SLC24A2: variants seen among roughly 807,000 people sequenced by gnomAD.
SLC24A2 encodes solute carrier family 24 member 2, also known as sodium/potassium/calcium exchanger 2.
SLC24A2 carries 36 observed loss-of-function variants against 62.0 expected under a neutral mutation model. The ratio of observed to expected loss-of-function variants is 0.58; its 90% confidence interval spans 0.44 to 0.77. SLC24A2 has a LOEUF of 0.77. Among genes scored for constraint, SLC24A2 ranks in the 30% least tolerant of loss-of-function variants. SLC24A2 has a pLI of 0.00. For missense variants in SLC24A2, 846 were observed against 817.9 expected (o/e 1.03, Z -0.42); for synonymous variants, 358 against 294.0 (o/e 1.22, Z -2.23).
chr9:20,090,476 G>C, the SLC24A2 span, among the ~76,000 whole-genome samples: 1 of 152,098 alleles, frequency 6.6e-6, no homozygotes, highest in African/African-American at 2.4e-5. Flanking sequence ...AATTGGTGAA[G>C]AAATATAGGG....
intron 7 of SLC24A2, among the ~76,000 whole-genome samples, chr9:19,571,617 A>G (rs1194445298): frequency 6.6e-6 from 1 of 152,216 alleles, no homozygotes; most frequent in Non-Finnish European, 1.5e-5. Flanking sequence ...GCCTCATGGC[A>G]GACCTGACAA....
At chr9:20,007,226 G>A in the SLC24A2 span, among the ~76,000 whole-genome samples, 1 of 152,176 alleles carries the variant, frequency 6.6e-6, no homozygotes, top group African/African-American at 2.4e-5. Flanking sequence ...CCCTGCTGCA[G>A]TGCTCTGTTC....
chr9:19,895,463 A>C, the SLC24A2 span, among the ~76,000 whole-genome samples: 1 of 151,944 alleles, frequency 6.6e-6, no homozygotes, highest in Admixed American at 6.5e-5. Context: ...AGTAGGGGAA[A>C]GTTCAGAAGG....
the SLC24A2 span, among the ~76,000 whole-genome samples, chr9:20,035,352 T>A: frequency 6.6e-6 from 1 of 152,206 alleles, no homozygotes; most frequent in Non-Finnish European, 1.5e-5. Flanking sequence ...ATTACCAGGA[T>A]TAATCATTTT....
the SLC24A2 span, among the ~76,000 whole-genome samples, chr9:20,251,073 T>C: frequency 6.6e-6 from 1 of 152,162 alleles, no homozygotes; most frequent in East Asian, 1.9e-4. Flanking sequence ...ACTCAGCCCA[T>C]AGAGAAGAAG....
At chr9:19,842,112 G>T in the SLC24A2 span, among the ~76,000 whole-genome samples, 1 of 152,174 alleles carries the variant, frequency 6.6e-6, no homozygotes, top group South Asian at 2.1e-4. Flanking sequence ...AAGTGGCAGA[G>T]ATTCATCTTC....
At chr9:19,763,302 C>T (rs1822402920) in intron 2 of SLC24A2, among the ~76,000 whole-genome samples, 1 of 152,222 alleles carries the variant, frequency 6.6e-6, no homozygotes, top group Non-Finnish European at 1.5e-5. Flanking sequence ...TTTGAATACC[C>T]TTTGTTTCTT....
chr9:20,117,017 C>G, the SLC24A2 span, among the ~76,000 whole-genome samples: 2 of 152,256 alleles, frequency 1.3e-5, no homozygotes, highest in African/African-American at 4.8e-5. Context: ...TATACCTCTA[C>G]TACTTTGGAA....
At chr9:19,648,139 T>C (rs899127220) in intron 2 of SLC24A2, among the ~76,000 whole-genome samples, 7 of 152,170 alleles carry the variant, frequency 4.6e-5, no homozygotes, top group Non-Finnish European at 8.8e-5. Flanking sequence ...GTTTACGCAA[T>C]AGACTAACAA....
chr9:19,993,272 C>T, the SLC24A2 span, among the ~76,000 whole-genome samples: 23 of 152,250 alleles, frequency 1.5e-4, no homozygotes, highest in Non-Finnish European at 2.6e-4. Context: ...TACTGCATAT[C>T]CACATGCTAG....
At chr9:19,533,288 T>TTAAC (rs1833793605) in intron 8 of SLC24A2, among the ~76,000 whole-genome samples, 2 of 152,184 alleles carry the variant, frequency 1.3e-5, no homozygotes, top group South Asian at 4.1e-4. Context: ...TATGTATTAG[T>TTAAC]TAATTTTTCC....
intron 3 of SLC24A2, among the ~76,000 whole-genome samples, 187 bp downstream of exon 3, chr9:19,622,074 A>G (rs4977307): frequency 0.74 from 113,288 of 152,110 alleles, 42,256 homozygotes; most frequent in East Asian, 0.88. Flanking sequence ...GCATGTGTCC[A>G]TGAATGCCAG....
At chr9:19,692,245 G>A (rs942624819) in intron 2 of SLC24A2, among the ~76,000 whole-genome samples, 3 of 152,112 alleles carry the variant, frequency 2.0e-5, no homozygotes, top group African/African-American at 4.8e-5. Flanking sequence ...ATCTTTAAAA[G>A]CCATGAACTA....
chr9:19,572,173 T>G (rs982346939), intron 7 of SLC24A2, among the ~76,000 whole-genome samples: 5 of 148,966 alleles, frequency 3.4e-5, no homozygotes, highest in Admixed American at 2.0e-4. Context: ...GGCAGGAGAA[T>G]TGCTTGAACC....
chr9:20,274,013 C>G, the SLC24A2 span, among the ~76,000 whole-genome samples: 1 of 152,146 alleles, frequency 6.6e-6, no homozygotes, highest in Admixed American at 6.5e-5. Flanking sequence ...ATGACTTTTT[C>G]TCCCCTCATC....
At chr9:19,948,116 C>A in the SLC24A2 span, among the ~76,000 whole-genome samples, 3 of 152,190 alleles carry the variant, frequency 2.0e-5, no homozygotes, top group Admixed American at 1.3e-4. Context: ...AAGTGGAATG[C>A]GGGACTCTTA....
At chr9:19,797,455 C>T in the SLC24A2 span, among the ~76,000 whole-genome samples, 1 of 152,180 alleles carries the variant, frequency 6.6e-6, no homozygotes, top group Non-Finnish European at 1.5e-5. Flanking sequence ...AATTACGAAT[C>T]AGGCATTAAA....
the SLC24A2 span, among the ~76,000 whole-genome samples, chr9:20,061,606 A>C: frequency 6.6e-6 from 1 of 152,166 alleles, no homozygotes; most frequent in Non-Finnish European, 1.5e-5. Flanking sequence ...ATTTTTAACA[A>C]AAGTGCCAAG....
chr9:19,638,604 T>C (rs1415129526), intron 2 of SLC24A2, among the ~76,000 whole-genome samples: 2 of 152,134 alleles, frequency 1.3e-5, no homozygotes, highest in Admixed American at 6.5e-5. Flanking sequence ...TTCAAAAGGG[T>C]AAAGCTATGG....
Sources: allele counts gnomAD v4.1 joint callset (sites outside exome capture counted in the v4.1 genomes callset), GRCh38; gene constraint gnomAD v4.1.1; transcripts MANE v1.5; gene names NCBI Gene and HGNC (gene_info 2026-07-23, HGNC 2026-07-21).